The following POLE variants were observed in gnomAD, a reference collection of about 807,000 sequenced individuals.
POLE encodes the protein DNA polymerase epsilon, catalytic subunit, also known as DNA polymerase epsilon catalytic subunit A.
A neutral mutation model predicts 279.2 loss-of-function variants in POLE; 188 were observed. That is an observed-to-expected ratio of 0.67 (90% CI 0.60 to 0.76). The LOEUF is 0.76. POLE is among the 30% of genes least tolerant of loss of function. The pLI is 0.00. For missense variants in POLE, 2,703 were observed against 3,016.7 expected, an observed-to-expected ratio of 0.90 and a Z score of 2.44; for synonymous variants, 1,214 against 1,172.5, an observed-to-expected ratio of 1.04 and a Z score of -0.72.
chr12:132,681,965 A>G (rs1419807152), intron 1 of POLE, among the ~76,000 whole-genome samples: 1 of 152,162 alleles, frequency 6.6e-6, no homozygotes, highest in African/African-American at 2.4e-5. Context: ...CGGGTGGATC[A>G]CCTGAGGTCA....
At position 132,661,134 on chromosome 12, in the gene POLE, C is replaced by G; in HGVS notation, c.2895G>C (p.Leu965=). 3 of 1,611,922 alleles carry G rather than the reference C, an allele frequency of 1.9e-6. No individual in the cohort carries two copies. The African/African-American group carries it at 4.0e-5, about 22-fold the overall frequency. ...RYAVFNEDGS[L]AELKGFEVKR... ...TGACCTCAAAGCCCTTGAGCTCAGC[C>G]AGAGAACCGTCTTCATTGAACACAG... Residue 965 remains leucine (L), a synonymous_variant, in exon 25 of 49, where the codon CTG becomes CTC. Coordinates refer to ENST00000320574, the MANE Select transcript of POLE (RefSeq NM_006231.4). This position sits in a 1 kb window ranked among gnomAD's most constrained non-coding sequence, Gnocchi z 4.1.
In POLE at chr12:132,643,281, C is replaced by A. The variant is rs777611171; in HGVS notation, c.4494G>T (p.Ala1498=). The change falls in exon 35 of 49, where the codon GCG becomes GCT. Residue 1498 remains alanine, a synonymous_variant. Transcript: ENST00000320574. ...GTGAGGGGATGAAGATCCCGAAGAG[C>A]GCTTTGTGGGCCTGTGCGTGGTGGT... ...YLYHHAQAHK[A]LFGIFIPSQR... 1 of 1,613,834 alleles carries A rather than the reference C, an allele frequency of 6.2e-7. No homozygotes were observed. Among genetic ancestry groups the A allele is most frequent in the Non-Finnish European group, 8.5e-7 (1 of 1,180,046 alleles).
At chr12:132,669,864 G>A (rs1022133270) in intron 16 of POLE, among the ~76,000 whole-genome samples, 1 of 152,178 alleles carries the variant, frequency 6.6e-6, no homozygotes, top group Admixed American at 6.5e-5. Context: ...AGGCGATCCT[G>A]GGCTTCCCTT....
At chr12:132,676,474 A>G (rs2043053963) in intron 9 of POLE, 72 bp downstream of exon 9, 2 of 967,306 alleles carry the variant, frequency 2.1e-6, no homozygotes, top group Admixed American at 1.8e-5. Flanking sequence ...AGTGGGGCAG[A>G]TGCTGCTGTA....
At chr12:132,625,431 C>A in intron 47 of POLE, 1 of 769,262 alleles carries the variant, frequency 1.3e-6, no homozygotes, top group South Asian at 1.4e-5. Context: ...TAGAACGAAG[C>A]ACCCACAAGG....
At chr12:132,679,448 T>A (rs752351411) in intron 6 of POLE, 49 bp downstream of exon 6, 1 of 1,562,066 alleles carries the variant, frequency 6.4e-7, no homozygotes, top group Non-Finnish European at 8.7e-7. Context: ...CTCCTATCCA[T>A]CTTGTCGTTC....
At chr12:132,647,749 C>G (rs990640651) in intron 32 of POLE, among the ~76,000 whole-genome samples, 1 of 152,104 alleles carries the variant, frequency 6.6e-6, no homozygotes, top group African/African-American at 2.4e-5. Flanking sequence ...GCCACAGCAC[C>G]ACAGCACCAC....
chr12:132,625,288 C>G (rs200697313), intron 47 of POLE: 45 of 728,622 alleles, frequency 6.2e-5, no homozygotes, highest in Non-Finnish European at 1.1e-4. Context: ...CGTGCACCAC[C>G]ACACGGCAGC....
At chr12:132,671,060 C>T (rs116400706) in intron 16 of POLE, among the ~76,000 whole-genome samples, 1,728 of 149,856 alleles carry the variant, frequency 0.012, 36 homozygotes, top group African/African-American at 0.04. Flanking sequence ...GTCAGGAGTT[C>T]GAAAGCAGCC....
intron 21 of POLE, 70 bp downstream of exon 21, chr12:132,665,232 C>G: frequency 6.7e-7 from 1 of 1,489,280 alleles, no homozygotes; most frequent in African/African-American, 1.4e-5. Flanking sequence ...GCAGCCTACA[C>G]CTGAAGCTGC....
rs367934864 is a variant in POLE at position 132,630,736 on chromosome 12, A to G, written c.6330+1579T>C. On this transcript the variant is annotated intron_variant, in intron 45 of 48. Transcript: ENST00000320574. ...CTCCATCTCCAAAAAAAAGCTCCACATCATTAGTCGCCAGGGAAATGCAAA... is the reference window on the plus strand; with the variant it reads ...CTCCATCTCCAAAAAAAAGCTCCACGTCATTAGTCGCCAGGGAAATGCAAA... Among the ~76,000 whole-genome samples, 10 of 152,330 alleles carry G rather than the reference A, an allele frequency of 6.6e-5. No individual in the cohort carries two copies. The South Asian group carries it at 2.1e-3, about 32-fold the overall frequency.
intron 21 of POLE, 39 bp downstream of exon 21, chr12:132,665,263 T>C (rs755662892): frequency 1.9e-6 from 3 of 1,599,046 alleles, no homozygotes; most frequent in Non-Finnish European, 2.6e-6. Flanking sequence ...GACTCATCCA[T>C]TCCTCCCATA....
intron 45 of POLE, among the ~76,000 whole-genome samples, chr12:132,627,298 A>G (rs2041858194): frequency 6.6e-6 from 1 of 151,442 alleles, no homozygotes; most frequent in Admixed American, 6.6e-5. Flanking sequence ...AAAAAAAGCT[A>G]TGTGATTTTT....
chr12:132,672,228 G>C lies in POLE; in HGVS notation c.1781C>G (p.Thr594Ser), dbSNP rs574033788. 4.3e-6 allele frequency: 7 copies of C among 1,613,560 alleles called. No individual in the cohort carries two copies. The highest frequency in any genetic ancestry group is 5.9e-6 in the Non-Finnish European group (7 of 1,179,422). The change falls in exon 16 of 49, where the codon ACC (threonine) becomes AGC (serine). Residue 594 changes from threonine to serine, a missense_variant. Thr to Ser is a moderately conservative substitution (Grantham distance 58). This residue lies in a region of POLE where 1,011 missense variants were observed against 1,111.7 expected (regional missense o/e 0.91). Coordinates refer to ENST00000320574, the MANE Select transcript of POLE (RefSeq NM_006231.4). ...EEEKVPVEQV[T>S]NFEEVCDEIK... ...CCTGATGGTTACCTCTTCAAAGTTG[G>C]TGACTTGCTCCACAGGCACTTTCTC...
chr12:132,628,565 C>T (rs1482140215), intron 45 of POLE, among the ~76,000 whole-genome samples: 1 of 149,786 alleles, frequency 6.7e-6, no homozygotes, highest in Non-Finnish European at 1.5e-5. Context: ...ATCACTTGAA[C>T]CCAGGAGGCG....
intron 23 of POLE, 65 bp downstream of exon 23, chr12:132,663,939 C>T: frequency 1.3e-6 from 2 of 1,566,426 alleles, no homozygotes; most frequent in Non-Finnish European, 1.8e-6. Flanking sequence ...TGCTGCAGAG[C>T]CAGTGACATC....
intron 47 of POLE, 172 bp downstream of exon 47, chr12:132,625,473 A>C: frequency 1.1e-6 from 1 of 871,952 alleles, no homozygotes; most frequent in Admixed American, 1.7e-5. Flanking sequence ...GTGCTCAACC[A>C]GTGTGGACAG....
intron 32 of POLE, 70 bp from the exon 33 acceptor site, chr12:132,644,047 A>G (rs1311671426): frequency 1.3e-6 from 2 of 1,518,408 alleles, no homozygotes; most frequent in Non-Finnish European, 1.8e-6. Context: ...CACACAAAGC[A>G]CACGCTATTC....
intron 6 of POLE, among the ~76,000 whole-genome samples, chr12:132,678,605 G>A (rs1206983516): frequency 6.6e-6 from 1 of 152,060 alleles, no homozygotes; most frequent in Non-Finnish European, 1.5e-5. Flanking sequence ...GAAGAAAAAA[G>A]AAAGAAAACA....
Sources: allele counts gnomAD v4.1 joint callset (sites outside exome capture counted in the v4.1 genomes callset), GRCh38; gene constraint gnomAD v4.1.1; regional missense constraint gnomAD v4.1.1; non-coding constraint Gnocchi (gnomAD v3.1); transcripts MANE v1.5; gene names NCBI Gene and HGNC (gene_info 2026-07-23, HGNC 2026-07-21).